RFTN1: variants seen among roughly 807,000 people sequenced by gnomAD.
RFTN1 encodes the protein raftlin.
RFTN1 carries 26 observed loss-of-function variants against 46.5 expected under a neutral mutation model. The ratio of observed to expected loss-of-function variants is 0.56; its 90% CI spans 0.41 to 0.78. The LOEUF is 0.78. Among genes scored for constraint, RFTN1 ranks in the 30% least tolerant of loss-of-function variants. The pLI, the probability that RFTN1 is intolerant of heterozygous loss-of-function variation, is 0.00. For synonymous variants in RFTN1, 261 were observed against 284.2 expected, an observed-to-expected ratio of 0.92 and a Z score of 0.82; for missense variants, 693 against 718.7, an observed-to-expected ratio of 0.96 and a Z score of 0.41.
intron 4 of RFTN1, among the ~76,000 whole-genome samples, chr3:16,401,892 G>A (rs1385013132): frequency 6.6e-6 from 1 of 152,226 alleles, no homozygotes; most frequent in Non-Finnish European, 1.5e-5. Context: ...CGGAGGCTCA[G>A]TGGAAACTGC....
intron 6 of RFTN1, among the ~76,000 whole-genome samples, chr3:16,364,581 G>A (rs1386392536): frequency 1.3e-5 from 2 of 152,106 alleles, no homozygotes; most frequent in African/African-American, 2.4e-5. Flanking sequence ...GATTTCAGTT[G>A]GGTCACAATG....
chr3:16,338,475 C>G lies in RFTN1; in HGVS notation c.1147-11599G>C, dbSNP rs150602564. Among the ~76,000 whole-genome samples the G allele has an allele frequency of 1.1e-3, 171 of 152,374 alleles. No homozygotes were observed. Among genetic ancestry groups the G allele is most frequent in the African/African-American group, 4.1e-3 (169 of 41,590 alleles). ...GGACCACGTATGCAATAGCACAGGGCTCCTGTCCTCTAGAAGCTGACATCT... is the reference window on the plus strand; with the variant it reads ...GGACCACGTATGCAATAGCACAGGGGTCCTGTCCTCTAGAAGCTGACATCT... On this transcript the variant is annotated intron_variant, in intron 7 of 9. Coordinates refer to ENST00000334133, the MANE Select transcript of RFTN1 (RefSeq NM_015150.2). This position sits in a 1 kb window ranked among gnomAD's most constrained non-coding sequence, Gnocchi z 5.3.
chr3:16,508,028 C>T (rs1361879382), intron 1 of RFTN1, among the ~76,000 whole-genome samples: 1 of 152,140 alleles, frequency 6.6e-6, no homozygotes, highest in African/African-American at 2.4e-5. Flanking sequence ...TGGAAACCTC[C>T]AATACGGGAT....
chr3:16,319,431 C>T lies in RFTN1; in HGVS notation c.1333-2199G>A, dbSNP rs561594495. 2.1e-3 allele frequency among the ~76,000 whole-genome samples: 323 copies of T among 152,322 alleles called. 2 individuals carry two copies. Among genetic ancestry groups the T allele is most frequent in the African/African-American group, 7.2e-3 (300 of 41,560 alleles). Reference sequence around the variant, plus strand: ...TTATGAATCTGAGTTTCAAGTTACTCATCTCTAAAATGGTTGTCTCTACCT... The same window carrying T: ...TTATGAATCTGAGTTTCAAGTTACTTATCTCTAAAATGGTTGTCTCTACCT... On this transcript the variant is annotated intron_variant, in intron 9 of 9. Coordinates refer to ENST00000334133, the MANE Select transcript of RFTN1 (RefSeq NM_015150.2).
At chr3:16,323,347 A>C (rs1450251326) in intron 9 of RFTN1, 29 bp downstream of exon 9, 2 of 1,527,932 alleles carry the variant, frequency 1.3e-6, no homozygotes, top group African/African-American at 2.8e-5. Context: ...TGCTGAGGAA[A>C]ACCTAGGAAG....
At position 16,317,976 on chromosome 3, in the gene RFTN1, A is replaced by G. The variant is rs2068607731; in HGVS notation, c.1333-744T>C. ...CCCTCTGCCCGCTACTGTACCGACA[A>G]GTGTTCTAAGGTAACTCCCTCTAAA... On this transcript the variant is annotated intron_variant, in intron 9 of 9. Transcript: ENST00000334133. This position sits in a 1 kb window ranked among gnomAD's most constrained non-coding sequence, Gnocchi z 4.3. 1.3e-5 allele frequency among the ~76,000 whole-genome samples: 2 copies of G among 152,280 alleles called. No homozygotes were observed. The highest frequency in any genetic ancestry group is 4.1e-4 in the South Asian group (2 of 4,822).
At position 16,443,245 on chromosome 3, in the gene RFTN1, G is replaced by A. The variant is rs182223930; in HGVS notation, c.146-9208C>T. Reference sequence around the variant, plus strand: ...TCCTCACCAACACTTCTTATCTCTTGTATTTTTGATAGTAGCCATTCTAAC... The same window carrying A: ...TCCTCACCAACACTTCTTATCTCTTATATTTTTGATAGTAGCCATTCTAAC... On this transcript the variant is annotated intron_variant, in intron 2 of 9. Coordinates refer to ENST00000334133, the MANE Select transcript of RFTN1 (RefSeq NM_015150.2). This position sits in a 1 kb window ranked among gnomAD's most constrained non-coding sequence, Gnocchi z 5.5. Among the ~76,000 whole-genome samples the A allele has an allele frequency of 2.1e-4, 32 of 152,240 alleles. 1 individual carries two copies. Among genetic ancestry groups the A allele is most frequent in the African/African-American group, 7.5e-4 (31 of 41,552 alleles).
At chr3:16,471,973 A>G (rs979088351) in intron 2 of RFTN1, 2 of 152,148 alleles carry the variant, frequency 1.3e-5, no homozygotes, top group African/African-American at 4.8e-5. Context: ...ATAATCCTCG[A>G]TAGCATCTTC....
At position 16,479,940 on chromosome 3, in the gene RFTN1, A is replaced by AG. The variant is rs2076338009; in HGVS notation, c.145+13784dup. On this transcript the variant is annotated intron_variant, in intron 2 of 9. Transcript: ENST00000334133. The surrounding 1 kb of genome is among the most constrained non-coding windows in gnomAD (Gnocchi z 5.1). Reference sequence around the variant, plus strand: ...ACAGACTCTATTAGGGCTATACCCAAGCTGGCCTGGTTTCCAGATATAGGA... The same window carrying AG: ...ACAGACTCTATTAGGGCTATACCCAAGGCTGGCCTGGTTTCCAGATATAGGA... Among the ~76,000 whole-genome samples, 1 of 152,232 alleles carries AG rather than the reference A, an allele frequency of 6.6e-6. No homozygotes were observed. The highest frequency in any genetic ancestry group is 1.5e-5 in the Non-Finnish European group (1 of 68,048).
intron 4 of RFTN1, among the ~76,000 whole-genome samples, chr3:16,401,695 G>T (rs890226335): frequency 6.6e-6 from 1 of 152,336 alleles, no homozygotes; most frequent in African/African-American, 2.4e-5. Context: ...CTTCACCACA[G>T]ATAGCGTGAG....
rs2074123202 is a variant in RFTN1, at chr3:16,385,104, C to T, written c.442-7002G>A. On this transcript the variant is annotated intron_variant, in intron 4 of 9. Coordinates refer to ENST00000334133, the MANE Select transcript of RFTN1 (RefSeq NM_015150.2). This position sits in a 1 kb window ranked among gnomAD's most constrained non-coding sequence, Gnocchi z 5.0. ...CCGTGACAACATAGCACAGCACACG[C>T]AGGGAGCCCACAGCAGAGGCATGCC... Among the ~76,000 whole-genome samples the T allele has an allele frequency of 1.3e-5, 2 of 152,170 alleles. No individual in the cohort carries two copies. Among genetic ancestry groups the T allele is most frequent in the African/African-American group, 4.8e-5 (2 of 41,434 alleles).
intron 4 of RFTN1, among the ~76,000 whole-genome samples, chr3:16,397,095 G>C (rs1160010604): frequency 6.7e-6 from 1 of 149,514 alleles, no homozygotes; most frequent in Non-Finnish European, 1.5e-5. Context: ...AAGAGAGAGA[G>C]AAGAAAACCT....
chr3:16,423,269 G>A (rs1001053108), intron 3 of RFTN1, among the ~76,000 whole-genome samples: 2 of 151,888 alleles, frequency 1.3e-5, no homozygotes, highest in Admixed American at 6.6e-5. Context: ...GCAATGTCTG[G>A]AATCTGTCAC....
chr3:16,433,887 T>C lies in RFTN1; in HGVS notation c.296A>G (p.His99Arg), dbSNP rs575203250. ...CTTGATCAGGATGGCTCTAAAGATG[T>C]GCTCCAGGGGCGTCTTCTCCCGCTC... ...THEREKTPLE[H>R]IFRAILIKKT... The change falls in exon 3 of 10, where the codon CAC becomes CGC. Residue 99 changes from histidine to arginine, a missense_variant. Transcript: ENST00000334133. This position sits in a 1 kb window ranked among gnomAD's most constrained non-coding sequence, Gnocchi z 4.4. 1 of 1,614,180 alleles carries C rather than the reference T, an allele frequency of 6.2e-7. No individual in the cohort carries two copies. The highest frequency in any genetic ancestry group is 2.2e-5 in the East Asian group (1 of 44,878).
rs557342345 is a variant in RFTN1, at chr3:16,422,696, A to G, written c.332+11155T>C. 1.1e-3 allele frequency among the ~76,000 whole-genome samples: 163 copies of G among 152,306 alleles called. No homozygotes were observed. Among genetic ancestry groups the G allele is most frequent in the Non-Finnish European group, 1.7e-3 (114 of 68,028 alleles). ...TTACAAATTTATTATCATCAAAATA[A>G]CATGGTTCTGGCACAAAAATCAATA... On this transcript the variant is annotated intron_variant, in intron 3 of 9. Coordinates refer to ENST00000334133, the MANE Select transcript of RFTN1 (RefSeq NM_015150.2). This position sits in a 1 kb window ranked among gnomAD's most constrained non-coding sequence, Gnocchi z 4.6.
At chr3:16,494,864 C>T (rs1343047183) in intron 1 of RFTN1, among the ~76,000 whole-genome samples, 1 of 152,180 alleles carries the variant, frequency 6.6e-6, no homozygotes, top group African/African-American at 2.4e-5. Flanking sequence ...AAAATATTAA[C>T]CAGCCAAGAA....
In RFTN1 at chr3:16,433,813, G is replaced by A. The variant is rs369490274; in HGVS notation, c.332+38C>T. ...CTCCTCTATTGAGCATAACTTAGCC[G>A]CAACAGGATGCTACCCATTCACCCG... is the stretch of plus-strand genomic sequence containing the variant. On this transcript the variant is annotated intron_variant, in intron 3 of 9. Coordinates refer to ENST00000334133, the MANE Select transcript of RFTN1 (RefSeq NM_015150.2). The surrounding 1 kb of genome is among the most constrained non-coding windows in gnomAD (Gnocchi z 4.4). 5.7e-5 allele frequency: 91 copies of A among 1,602,394 alleles called. No homozygotes were observed. Among genetic ancestry groups the A allele is most frequent in the African/African-American group, 9.4e-5 (7 of 74,630 alleles).
rs1480412430 is a variant in RFTN1 at position 16,473,461 on chromosome 3, T to TGGAGTGCA, written c.145+20263_145+20264insTGCACTCC. Among the ~76,000 whole-genome samples, 2 of 151,698 alleles carry TGGAGTGCA rather than the reference T, an allele frequency of 1.3e-5. No homozygotes were observed. The highest frequency in any genetic ancestry group is 4.8e-5 in the African/African-American group (2 of 41,260). ...TGTCGCCAAGGCTGGAGTGCAGTGGTGTGATCTCGGCTCACTGCAATCTCT... is the reference window on the plus strand; with the variant it reads ...TGTCGCCAAGGCTGGAGTGCAGTGGTGGAGTGCAGTGATCTCGGCTCACTGCAATCTCT... On this transcript the variant is annotated intron_variant, in intron 2 of 9. Transcript: ENST00000334133. The surrounding 1 kb of genome is among the most constrained non-coding windows in gnomAD (Gnocchi z 5.3).
At chr3:16,404,859 T>A (rs556753314) in intron 4 of RFTN1, among the ~76,000 whole-genome samples, 1 of 152,218 alleles carries the variant, frequency 6.6e-6, no homozygotes, top group African/African-American at 2.4e-5. Context: ...CCAGGCTCCA[T>A]CATTTAGCAG....
Sources: gnomAD v4.1 joint callset for allele counts (sites outside exome capture counted in the v4.1 genomes callset) on GRCh38, gnomAD v4.1.1 for gene constraint, Gnocchi (gnomAD v3.1) non-coding constraint, MANE v1.5 for transcripts, NCBI Gene and HGNC (gene_info 2026-07-23, HGNC 2026-07-21) for gene names.